The following SLFN11 variants were observed in gnomAD, a reference collection of about 807,000 sequenced individuals.
SLFN11 encodes the protein schlafen family member 11.
Under a neutral mutation model 53.4 loss-of-function variants are expected in SLFN11, and 43 were observed. The observed-to-expected ratio is 0.80, with a 90% confidence interval of 0.63 to 1.04. The LOEUF is 1.04. Among genes scored for constraint, SLFN11 ranks in the 50% least tolerant of loss-of-function variants. SLFN11 has a pLI of 0.00. For synonymous variants in SLFN11, 389 were observed against 394.7 expected (o/e 0.99, Z 0.17); for missense variants, 990 against 1,079.1 (o/e 0.92, Z 1.16).
chr17:35,352,380 A>G lies in SLFN11; in HGVS notation c.2682T>C (p.Tyr894=). 6.2e-7 allele frequency: 1 copy of G among 1,614,210 alleles called. No individual in the cohort carries two copies. The highest frequency in any genetic ancestry group is 8.5e-7 in the Non-Finnish European group (1 of 1,180,016). Reference sequence around the variant, plus strand: ...CCTAATGGCCACCCCACGGAAAAATATACAGGTGTTGTTTTGCCCTGGAAG... The same window carrying G: ...CCTAATGGCCACCCCACGGAAAAATGTACAGGTGTTGTTTTGCCCTGGAAG... ...CLASRAKQHL[Y]IFPWGGH is the part of the protein sequence containing the mutation. The change falls in exon 7 of 7, where the codon TAT becomes TAC. Residue 894 remains tyrosine (Y), a synonymous_variant. Coordinates refer to ENST00000685675, the MANE Select transcript of SLFN11 (RefSeq NM_001376007.1).
chr17:35,354,997 T>C (rs1352755507), intron 5 of SLFN11, among the ~76,000 whole-genome samples: 2 of 152,122 alleles, frequency 1.3e-5, no homozygotes, highest in African/African-American at 2.4e-5. Flanking sequence ...GCATCTATTA[T>C]GAGACACATC....
chr17:35,353,176 A>G (rs759217049), intron 6 of SLFN11, 37 bp from the exon 7 acceptor site: 2 of 1,597,202 alleles, frequency 1.3e-6, no homozygotes, highest in Non-Finnish European at 1.7e-6. Flanking sequence ...GGTTTTCTCT[A>G]AAAAAACAAG....
In SLFN11 at chr17:35,356,122, T is replaced by G. The variant is rs141851380; in HGVS notation, c.1199-2063A>C. Among the ~76,000 whole-genome samples, 18 of 152,216 alleles carry G rather than the reference T, an allele frequency of 1.2e-4. No homozygotes were observed. The East Asian group carries it at 3.3e-3, about 28-fold the overall frequency. On this transcript the variant is annotated intron_variant, in intron 5 of 6. Transcript: ENST00000685675. ...TATCTTTAGTACCAGTAACTCCAGT[T>G]ATAGACAAAATTTCTATTTGAGACA...
chr17:35,354,570 C>T (rs182504157), intron 5 of SLFN11, among the ~76,000 whole-genome samples: 89 of 152,246 alleles, frequency 5.8e-4, no homozygotes, highest in Middle Eastern at 6.8e-3. Context: ...CCTTTGTTGG[C>T]AGCGAATTTC....
chr17:35,352,165 G>T lies in SLFN11; in HGVS notation c.*191C>A, dbSNP rs571804517. On this transcript the variant is annotated 3_prime_UTR_variant, in exon 7 of 7. Transcript: ENST00000685675. ...GGCTGGAAGAGTCAGGGGTCAGAAT[G>T]GGGGGCAGCCACCGCTGCTGAAAGG... 5 of 639,362 alleles carry T rather than the reference G, an allele frequency of 7.8e-6. No individual in the cohort carries two copies. Among genetic ancestry groups the T allele is most frequent in the African/African-American group, 6.6e-5 (3 of 45,392 alleles). 39.6% of individuals were successfully genotyped at this position (639,362 alleles called of 1,614,324 possible).
At chr17:35,364,528 CTT>C (rs1807768394) in intron 3 of SLFN11, among the ~76,000 whole-genome samples, 1 of 152,064 alleles carries the variant, frequency 6.6e-6, no homozygotes, top group South Asian at 2.1e-4. Flanking sequence ...TTATTGGTGA[CTT>C]TGAAAAATGC....
At position 35,356,797 on chromosome 17, in the gene SLFN11, TACACACACACAC is replaced by T. The variant is rs61566848; in HGVS notation, c.1199-2750_1199-2739del. Among the ~76,000 whole-genome samples the T allele has an allele frequency of 8.8e-4, 124 of 140,186 alleles. 3 individuals are homozygous for T. Among genetic ancestry groups the T allele is most frequent in the African/African-American group, 3.0e-3 (115 of 38,170 alleles). 92.0% of individuals were successfully genotyped at this position (140,186 alleles called of 152,430 possible). The stretch of plus-strand genomic sequence containing the variant: ...GGTGTGTATGTAAGCATATGTAGCA[TACACACACACAC>T]ACACACACACACACACACACACATA... On this transcript the variant is annotated intron_variant, in intron 5 of 6. Transcript: ENST00000685675.
intron 1 of SLFN11, among the ~76,000 whole-genome samples, chr17:35,372,637 T>C (rs895313331): frequency 3.9e-5 from 6 of 152,030 alleles, no homozygotes; most frequent in African/African-American, 1.4e-4. Flanking sequence ...ATGAGCATAA[T>C]TGGATTGTTG....
chr17:35,371,400 C>T (rs777937998), intron 1 of SLFN11, among the ~76,000 whole-genome samples: 1 of 152,082 alleles, frequency 6.6e-6, no homozygotes, highest in Non-Finnish European at 1.5e-5. Context: ...ATCTCCAGGA[C>T]ATTGATCTGA....
chr17:35,354,137 T>A (rs1907163736), intron 5 of SLFN11, 78 bp from the exon 6 acceptor site: 2 of 1,244,048 alleles, frequency 1.6e-6, no homozygotes, highest in African/African-American at 1.5e-5. Flanking sequence ...AATTAACTAA[T>A]TGATTAACTA....
chr17:35,361,448 A>G (rs1220096179), intron 4 of SLFN11, among the ~76,000 whole-genome samples: 1 of 152,054 alleles, frequency 6.6e-6, no homozygotes, highest in African/African-American at 2.4e-5. Context: ...CGTGACCCTC[A>G]TCACCCTGAA....
intron 1 of SLFN11, among the ~76,000 whole-genome samples, chr17:35,372,181 G>T (rs764442211): frequency 2.6e-5 from 4 of 152,036 alleles, no homozygotes; most frequent in Non-Finnish European, 5.9e-5. Context: ...CAACACGAAT[G>T]GAACTTGAAA....
chr17:35,354,737 A>G (rs1313765421), intron 5 of SLFN11, among the ~76,000 whole-genome samples: 2 of 152,144 alleles, frequency 1.3e-5, no homozygotes, highest in African/African-American at 2.4e-5. Context: ...ATATACTTGC[A>G]TTGGAGGATT....
chr17:35,368,542 A>C (rs1227876569), intron 1 of SLFN11, among the ~76,000 whole-genome samples: 2 of 152,078 alleles, frequency 1.3e-5, no homozygotes, highest in African/African-American at 4.8e-5. Flanking sequence ...GGGGTTCTAA[A>C]TAAACTTGAA....
chr17:35,362,848 G>T lies in SLFN11; in HGVS notation c.960C>A (p.Phe320Leu). ...GYACMIRVNPFCCAVFSEAPN... is the reference protein window; with the variant it reads ...GYACMIRVNPLCCAVFSEAPN... Reference sequence around the variant, plus strand: ...GAGCTTCTGAGAACACTGCACAGCAGAAGGGATTTACTCTGATCATGCAAG... The same window carrying T: ...GAGCTTCTGAGAACACTGCACAGCATAAGGGATTTACTCTGATCATGCAAG... Residue 320 changes from phenylalanine (F) to leucine (L), a missense_variant, in exon 4 of 7, where the codon TTC becomes TTA. Physicochemically the swap from Phe to Leu is conservative, Grantham distance 22 (BLOSUM62 0). Transcript: ENST00000685675. 6.2e-7 allele frequency: 1 copy of T among 1,614,016 alleles called. No individual in the cohort carries two copies. Among genetic ancestry groups the T allele is most frequent in the South Asian group, 1.1e-5 (1 of 91,076 alleles).
intron 5 of SLFN11, among the ~76,000 whole-genome samples, chr17:35,357,484 A>G (rs2141945344): frequency 6.6e-6 from 1 of 151,622 alleles, no homozygotes; most frequent in East Asian, 1.9e-4. Context: ...TTTGTAGTTT[A>G]TGTTAGTATA....
chr17:35,370,594 T>G (rs1909521725), intron 1 of SLFN11, among the ~76,000 whole-genome samples: 2 of 152,020 alleles, frequency 1.3e-5, no homozygotes. Flanking sequence ...CTATACCAGA[T>G]AACTATTAGA....
chr17:35,353,198 A>G (rs1041237790), intron 6 of SLFN11, 59 bp from the exon 7 acceptor site: 11 of 1,592,470 alleles, frequency 6.9e-6, no homozygotes, highest in Middle Eastern at 1.7e-4. Flanking sequence ...GGAGAAAATA[A>G]TTGTATCATG....
In SLFN11 at chr17:35,363,181, C is replaced by T. The variant is rs772364914; in HGVS notation, c.627G>A (p.Glu209=). The T allele has an allele frequency of 4.3e-6, 7 of 1,613,850 alleles. No individual in the cohort carries two copies. The South Asian group carries it at 4.4e-5, about 10-fold the overall frequency. The change falls in exon 4 of 7, where the codon GAG becomes GAA. Residue 209 remains glutamate (E), a synonymous_variant. Transcript: ENST00000685675. ...LEYGEILPFP[E]SQLVEFKQFS... ...ACTGTTTAAACTCTACTAACTGAGA[C>T]TCAGGAAAAGGCAGGATTTCACCAT...
Sources: gnomAD v4.1 joint callset for allele counts (sites outside exome capture counted in the v4.1 genomes callset) on GRCh38, gnomAD v4.1.1 for gene constraint, MANE v1.5 for transcripts, NCBI Gene and HGNC (gene_info 2026-07-23, HGNC 2026-07-21) for gene names.